NR2E3: variants seen among roughly 807,000 people sequenced by gnomAD.
The protein encoded by NR2E3 is nuclear receptor subfamily 2 group E member 3.
NR2E3 carries 38 observed loss-of-function variants against 37.6 expected under a neutral mutation model. That is an observed-to-expected ratio of 1.01 (90% CI 0.78 to 1.33). The LOEUF (loss-of-function observed/expected upper bound fraction) is 1.33. NR2E3 is among the 40% of genes most tolerant of loss of function. The probability of loss-of-function intolerance (pLI) is 0.00; values close to 1 mark genes in which losing one functional copy is unlikely to be tolerated. For missense variants in NR2E3, 562 were observed against 558.7 expected (o/e 1.01, Z -0.06); for synonymous variants, 235 against 225.1 (o/e 1.04, Z -0.39).
In NR2E3 at chr15:71,817,790, AG is replaced by A. The variant is rs1421412166; in HGVS notation, c.*107del. On this transcript the variant is annotated 3_prime_UTR_variant, in exon 8 of 8. Transcript: ENST00000617575. ...CAATTCCTCGTAGGTGTGTGTACCC[AG>A]CAGAAATGCCCACCGAAAGATATTG... The A allele has an allele frequency of 1.0e-6, 1 of 1,004,528 alleles. No individual in the cohort carries two copies. Among genetic ancestry groups the A allele is most frequent in the African/African-American group, 1.6e-5 (1 of 62,568 alleles). 62.2% of individuals were successfully genotyped at this position (1,004,528 alleles called of 1,614,324 possible). A position where few individuals can be genotyped will look rare whatever the true frequency, so the allele number is the denominator to read the frequency against.
rs1032415959 is a variant in NR2E3, at chr15:71,814,729, C to T, written c.1100+612C>T. On this transcript the variant is annotated intron_variant, in intron 7 of 7. Transcript: ENST00000617575. ...GCAGAGGGTCATACACAGGGCTGGA[C>T]CTCACGCAGACTGGCATGGCCATGG... 2.3e-5 allele frequency: 23 copies of T among 985,772 alleles called. No individual in the cohort carries two copies. In the African/African-American group the frequency reaches 3.8e-4, roughly 16 times the overall value. The allele number at this position is 985,772 out of a possible 1,614,324, so 61.1% of individuals were successfully genotyped here.
In NR2E3 at chr15:71,811,350, C is replaced by T; in HGVS notation, c.119-133C>T. On this transcript the variant is annotated intron_variant, in intron 1 of 7. Transcript: ENST00000617575. The surrounding 1 kb of genome is among the most constrained non-coding windows in gnomAD (Gnocchi z 5.6). ...GAGACACTTCTCCAGATGGAAGAGT[C>T]ACGCGTGGGTTCGTTCAAATGCGGG... is the stretch of plus-strand genomic sequence containing the variant. 1.3e-6 allele frequency: 1 copy of T among 747,524 alleles called. No homozygotes were observed. The highest frequency in any genetic ancestry group is 2.2e-6 in the Non-Finnish European group (1 of 459,236). 46.3% of individuals were successfully genotyped at this position (747,524 alleles called of 1,614,324 possible).
rs571422431 is a variant in NR2E3 at position 71,812,641 on chromosome 15, G to A, written c.747+130G>A. 33 of 794,574 alleles carry A rather than the reference G, an allele frequency of 4.2e-5. No homozygotes were observed. The African/African-American group carries it at 5.0e-4, about 12-fold the overall frequency. The allele number at this position is 794,574 out of a possible 1,614,324, so 49.2% of individuals were successfully genotyped here. On this transcript the variant is annotated intron_variant, in intron 5 of 7. Coordinates refer to ENST00000617575, the MANE Select transcript of NR2E3 (RefSeq NM_014249.4). ...ACACAGCTTGGATGGTGATGGCTGGGGACACACATACCTCTGATTCAGCGA... is the reference window on the plus strand; with the variant it reads ...ACACAGCTTGGATGGTGATGGCTGGAGACACACATACCTCTGATTCAGCGA...
Position 71,812,340 on chromosome 15 carries a change from T to C in NR2E3, c.576T>C (p.Asp192=), listed in dbSNP as rs767049846. Residue 192 remains aspartate, a synonymous_variant, in exon 5 of 8, where the codon GAT becomes GAC. Coordinates refer to ENST00000617575, the MANE Select transcript of NR2E3 (RefSeq NM_014249.4). The part of the protein sequence containing the change: ...TCAKLEPEDA[D]ENIDVTSNDP... ...CACAACCTCCTCCTCCAACAGCTGA[T>C]GAGAATATTGATGTCACCAGCAATG... is the stretch of plus-strand genomic sequence containing the variant. The C allele has an allele frequency of 1.2e-6, 2 of 1,608,184 alleles. No individual in the cohort carries two copies. Among genetic ancestry groups the C allele is most frequent in the Non-Finnish European group, 1.7e-6 (2 of 1,174,712 alleles).
chr15:71,815,666 T>G (rs1328654239), intron 7 of NR2E3, among the ~76,000 whole-genome samples: 2 of 152,216 alleles, frequency 1.3e-5, no homozygotes, highest in Non-Finnish European at 2.9e-5. Flanking sequence ...ATCCAGCATA[T>G]TATTTCAGTT....
chr15:71,814,751 A>G (rs1049934470), intron 7 of NR2E3: 16 of 985,716 alleles, frequency 1.6e-5, no homozygotes, highest in Non-Finnish European at 1.8e-5. Flanking sequence ...TGGCATGGCC[A>G]TGGGTCCAGA....
chr15:71,815,674 GT>G (rs2054221205), intron 7 of NR2E3, among the ~76,000 whole-genome samples: 1 of 152,174 alleles, frequency 6.6e-6, no homozygotes, highest in Non-Finnish European at 1.5e-5. Flanking sequence ...TATTATTTCA[GT>G]TTTTAAAAAC....
At chr15:71,815,060 A>T (rs1313291593) in intron 7 of NR2E3, 1 of 295,728 alleles carries the variant, frequency 3.4e-6, no homozygotes, top group East Asian at 1.7e-4. Context: ...GGCCCTGGCT[A>T]GGTTTGGGGG....
In NR2E3 at chr15:71,811,834, TGAA is replaced by T. The variant is rs1418275818; in HGVS notation, c.319_321del (p.Lys107del). 6.4e-7 allele frequency: 1 copy of T among 1,551,290 alleles called. No homozygotes were observed. The highest frequency in any genetic ancestry group is 8.7e-7 in the Non-Finnish European group (1 of 1,146,996). On this transcript the variant is annotated inframe_deletion, in exon 3 of 8. Transcript: ENST00000617575. This position sits in a 1 kb window ranked among gnomAD's most constrained non-coding sequence, Gnocchi z 5.6. The stretch of plus-strand genomic sequence containing the variant: ...CGCAACCAGTGCCAGGCCTGCCGGC[TGAA>T]GAAGTGCCTGCAGGCGGGGATGAAC...
rs2054170414 is a variant in NR2E3 at position 71,810,645 on chromosome 15, G to A, written c.-99G>A. The A allele has an allele frequency of 1.3e-6, 2 of 1,516,986 alleles. No homozygotes were observed. The highest frequency in any genetic ancestry group is 2.5e-5 in the East Asian group (1 of 40,400). 94.0% of individuals were successfully genotyped at this position (1,516,986 alleles called of 1,614,324 possible). On this transcript the variant is annotated 5_prime_UTR_variant, in exon 1 of 8. Transcript: ENST00000617575. ...CAGACAGAGTTCAGGAAGGGAGACA[G>A]GGGCACAGAGAGACAGAGGTTCATG... is the stretch of plus-strand genomic sequence containing the variant.
At chr15:71,814,484 A>T (rs781337187) in intron 7 of NR2E3, 9 of 1,033,622 alleles carry the variant, frequency 8.7e-6, no homozygotes, top group African/African-American at 6.8e-5. Context: ...AAGGAAGAAG[A>T]AGTCTAAAAG....
Position 71,813,470 on chromosome 15 carries a change from C to G in NR2E3, c.829C>G (p.Leu277Val). 1 of 1,610,224 alleles carries G rather than the reference C, an allele frequency of 6.2e-7. No individual in the cohort carries two copies. Among genetic ancestry groups the G allele is most frequent in the South Asian group, 1.1e-5 (1 of 90,304 alleles). ...QWSLPLDSCP[L>V]LAPPEASAAG... ...GTCTCTGCCTCTGGACAGCTGTCCTCTGCTGGCACCGCCCGAGGCCTCTGC... is the reference window on the plus strand; with the variant it reads ...GTCTCTGCCTCTGGACAGCTGTCCTGTGCTGGCACCGCCCGAGGCCTCTGC... Residue 277 changes from leucine (L) to valine (V), a missense_variant, in exon 6 of 8, where the codon CTG (leucine) becomes GTG (valine). By Grantham distance (32) the Leu-to-Val change is conservative (BLOSUM62 1). Transcript: ENST00000617575. This position sits in a 1 kb window ranked among gnomAD's most constrained non-coding sequence, Gnocchi z 4.7.
chr15:71,812,061 G>A lies in NR2E3; in HGVS notation c.456G>A (p.Pro152=), dbSNP rs1192258898. The change falls in exon 4 of 8, where the codon CCG becomes CCA. Residue 152 remains proline (P), a synonymous_variant. Coordinates refer to ENST00000617575, the MANE Select transcript of NR2E3 (RefSeq NM_014249.4). The stretch of plus-strand genomic sequence containing the variant: ...AGTCCCTGGTGGCTCCCCCGGCCCC[G>A]GCAGGGCGCAGCCCACGGGGCCCCA... ...RPESLVAPPA[P]AGRSPRGPTP... is the part of the protein sequence containing the mutation. The A allele has an allele frequency of 1.5e-5, 24 of 1,552,998 alleles. No individual in the cohort carries two copies. In the East Asian group the frequency reaches 2.7e-4, roughly 17 times the overall value.
Position 71,813,616 on chromosome 15 carries a change from C to T in NR2E3, c.975C>T (p.Ala325=), listed in dbSNP as rs778279460. The T allele has an allele frequency of 6.2e-7, 1 of 1,613,898 alleles. No individual in the cohort carries two copies. The highest frequency in any genetic ancestry group is 2.2e-5 in the East Asian group (1 of 44,888). Residue 325 remains alanine, a synonymous_variant, in exon 6 of 8, where the codon GCC becomes GCT. Coordinates refer to ENST00000617575, the MANE Select transcript of NR2E3 (RefSeq NM_014249.4). This position sits in a 1 kb window ranked among gnomAD's most constrained non-coding sequence, Gnocchi z 4.7. The part of the protein sequence containing the change: ...VDPTEFACMK[A]LVLFKPETRG... ...CCACGGAGTTTGCCTGCATGAAGGCCTTGGTCCTCTTCAAGCCAGGTAACT... is the reference window on the plus strand; with the variant it reads ...CCACGGAGTTTGCCTGCATGAAGGCTTTGGTCCTCTTCAAGCCAGGTAACT...
Position 71,810,730 on chromosome 15 carries a change from C to T in NR2E3, c.-14C>T. 6.4e-7 allele frequency: 1 copy of T among 1,558,862 alleles called. No individual in the cohort carries two copies. On this transcript the variant is annotated 5_prime_UTR_variant, in exon 1 of 8. Transcript: ENST00000617575. ...CAGGCCTCCCGCAGGCAGGCAGAGG[C>T]TGCCCTGTAACCCATGGAGACCAGA...
rs2054204915 is a variant in NR2E3 at position 71,813,625 on chromosome 15, C to T, written c.984C>T (p.Leu328=). The T allele has an allele frequency of 6.2e-7, 1 of 1,613,836 alleles. No homozygotes were observed. The highest frequency in any genetic ancestry group is 8.5e-7 in the Non-Finnish European group (1 of 1,179,886). ...TEFACMKALV[L]FKPETRGLKD... is the part of the protein sequence containing the mutation. ...TTGCCTGCATGAAGGCCTTGGTCCT[C>T]TTCAAGCCAGGTAACTGAGTCTCTG... The change falls in exon 6 of 8, where the codon CTC becomes CTT. Residue 328 remains leucine, a synonymous_variant. Transcript: ENST00000617575. This position sits in a 1 kb window ranked among gnomAD's most constrained non-coding sequence, Gnocchi z 4.7.
In NR2E3 at chr15:71,813,907, G is replaced by A. The variant is rs1374342795; in HGVS notation, c.995-105G>A. The A allele has an allele frequency of 3.9e-6, 6 of 1,539,240 alleles. No homozygotes were observed. The Admixed American group carries it at 7.9e-5, about 20-fold the overall frequency. Reference sequence around the variant, plus strand: ...GGCCTGGCAGAGCCCACCCCACAGGGCCCCAGGTCCATGTCTGCAGCCAGA... The same window carrying A: ...GGCCTGGCAGAGCCCACCCCACAGGACCCCAGGTCCATGTCTGCAGCCAGA... On this transcript the variant is annotated intron_variant, in intron 6 of 7. Coordinates refer to ENST00000617575, the MANE Select transcript of NR2E3 (RefSeq NM_014249.4). The surrounding 1 kb of genome is among the most constrained non-coding windows in gnomAD (Gnocchi z 4.7).
Position 71,817,587 on chromosome 15 carries a change from G to A in NR2E3, c.1136G>A (p.Arg379Lys), listed in dbSNP as rs1276460574. The A allele has an allele frequency of 6.2e-7, 1 of 1,603,234 alleles. No individual in the cohort carries two copies. Among genetic ancestry groups the A allele is most frequent in the Non-Finnish European group, 8.5e-7 (1 of 1,171,452 alleles). Residue 379 changes from arginine to lysine, a missense_variant, in exon 8 of 8, where the codon AGG becomes AAG. Physicochemically the swap from Arg to Lys is conservative, Grantham distance 26 (BLOSUM62 2). Transcript: ENST00000617575. ...TTGCTCCTGCTCCTCCCGTCTTTGA[G>A]GTTTATCACTGCGGAACGCATCGAG... The part of the protein sequence containing the change: ...GKLLLLLPSL[R>K]FITAERIELL...
rs1479874499 is a variant in NR2E3, at chr15:71,817,562, T to C, written c.1111T>C (p.Leu371=). The part of the protein sequence containing the change: ...HPSQPVRFGK[L]LLLLPSLRFI... The stretch of plus-strand genomic sequence containing the variant: ...CTCTCTCCTGTTCAGGTTTGGGAAA[T>C]TGCTCCTGCTCCTCCCGTCTTTGAG... The change falls in exon 8 of 8, where the codon TTG becomes CTG. Residue 371 remains leucine, a synonymous_variant. Transcript: ENST00000617575. The C allele has an allele frequency of 3.1e-6, 5 of 1,593,756 alleles. No homozygotes were observed. The Admixed American group carries it at 6.7e-5, about 21-fold the overall frequency.
Sources: gnomAD v4.1 joint callset for allele counts (sites outside exome capture counted in the v4.1 genomes callset) on GRCh38, gnomAD v4.1.1 for gene constraint, Gnocchi (gnomAD v3.1) non-coding constraint, MANE v1.5 for transcripts, NCBI Gene and HGNC (gene_info 2026-07-23, HGNC 2026-07-21) for gene names.